Variants in ADAM10 observed in about 807,000 individuals in gnomAD.
ADAM10 encodes the protein ADAM metallopeptidase domain 10, also known as disintegrin and metalloproteinase domain-containing protein 10.
In ADAM10, 17 loss-of-function variants were observed where a neutral mutation model predicts 90.1. That is an observed-to-expected ratio of 0.19 (90% confidence interval 0.13 to 0.28). ADAM10 has a LOEUF of 0.28. Among genes scored for constraint, ADAM10 ranks in the 10% least tolerant of loss-of-function variants. The pLI is 1.00. For missense variants in ADAM10, 610 were observed against 914.3 expected, an observed-to-expected ratio of 0.67 and a Z score of 4.29; for synonymous variants, 310 against 298.6, an observed-to-expected ratio of 1.04 and a Z score of -0.40.
chr15:58,717,257 G>T (rs1244583341), intron 2 of ADAM10, among the ~76,000 whole-genome samples: 1 of 152,136 alleles, frequency 6.6e-6, no homozygotes, highest in Non-Finnish European at 1.5e-5. Context: ...CCAGTAGATA[G>T]ATATATTGAC....
rs1894994419 is a variant in ADAM10 at position 58,597,616 on chromosome 15, T to C, written c.2178A>G (p.Pro726=). 6.2e-7 allele frequency: 1 copy of C among 1,614,018 alleles called. No homozygotes were observed. The highest frequency in any genetic ancestry group is 1.7e-5 in the Admixed American group (1 of 60,002). Residue 726 remains proline (P), a synonymous_variant, in exon 16 of 16, where the codon CCA becomes CCG. Transcript: ENST00000260408. Reference sequence around the variant, plus strand: ...GACGCTGGGGTTGCTGAATGGGCTGTGGAGGTCTCCTCCTCTTTAAAGTGC... The same window carrying C: ...GACGCTGGGGTTGCTGAATGGGCTGCGGAGGTCTCCTCCTCTTTAAAGTGC... ...LPGTLKRRRP[P]QPIQQPQRQR... is the part of the protein sequence containing the mutation.
chr15:58,633,089 A>T, intron 9 of ADAM10, 107 bp downstream of exon 9: 1 of 1,095,002 alleles, frequency 9.1e-7, no homozygotes, highest in Non-Finnish European at 1.3e-6. Flanking sequence ...CATAAAAACT[A>T]AACACTCGTA....
At position 58,627,761 on chromosome 15, in the gene ADAM10, T is replaced by C. The variant is rs1468586342; in HGVS notation, c.1299A>G (p.Ser433=). The C allele has an allele frequency of 1.2e-6, 2 of 1,611,624 alleles. No individual in the cohort carries two copies. The highest frequency in any genetic ancestry group is 1.7e-5 in the Admixed American group (1 of 59,990). Residue 433 remains serine (S), a synonymous_variant, in exon 10 of 16, where the codon TCA becomes TCG. Transcript: ENST00000260408. ...GGCTTATATTTCTAATACTACAGAG[T>C]GAGAATTTATTGTTGTTAAGTTTGT... is the stretch of plus-strand genomic sequence containing the variant. ...SGDKLNNNKF[S]LCSIRNISQV...
intron 7 of ADAM10, among the ~76,000 whole-genome samples, chr15:58,641,284 G>A (rs2140687403): frequency 6.6e-6 from 1 of 152,248 alleles, no homozygotes; most frequent in East Asian, 1.9e-4. Flanking sequence ...CTTTAGTAAA[G>A]GAAGTATAGT....
Position 58,682,403 on chromosome 15 carries a change from A to G in ADAM10, c.207-89T>C, listed in dbSNP as rs1596063180. On this transcript the variant is annotated intron_variant, in intron 2 of 15. Coordinates refer to ENST00000260408, the MANE Select transcript of ADAM10 (RefSeq NM_001110.4). ...TTTTTTATTTTAAAAAGTCTACAAAATGTGGACTGTTATGAAATTTGTCTA... is the reference window on the plus strand; with the variant it reads ...TTTTTTATTTTAAAAAGTCTACAAAGTGTGGACTGTTATGAAATTTGTCTA... 10 of 1,510,176 alleles carry G rather than the reference A, an allele frequency of 6.6e-6. No individual in the cohort carries two copies. In the East Asian group the frequency reaches 2.5e-4, roughly 37 times the overall value. 93.5% of individuals were successfully genotyped at this position (1,510,176 alleles called of 1,614,324 possible). A position where few individuals can be genotyped will look rare whatever the true frequency, so the allele number is the denominator to read the frequency against.
chr15:58,726,950 C>A (rs1899052384), intron 1 of ADAM10, among the ~76,000 whole-genome samples: 1 of 150,806 alleles, frequency 6.6e-6, no homozygotes, highest in African/African-American at 2.5e-5. Context: ...AGGGGAAGAG[C>A]AAGCAGAAGG....
At chr15:58,700,059 T>C (rs1325232605) in intron 2 of ADAM10, among the ~76,000 whole-genome samples, 2 of 152,116 alleles carry the variant, frequency 1.3e-5, no homozygotes, top group Non-Finnish European at 2.9e-5. Flanking sequence ...TAGCTAAATA[T>C]ATATGCACCC....
intron 2 of ADAM10, among the ~76,000 whole-genome samples, chr15:58,689,458 C>A (rs1184972978): frequency 6.6e-6 from 1 of 152,104 alleles, no homozygotes; most frequent in Non-Finnish European, 1.5e-5. Context: ...TGCACTCCAA[C>A]GTGGGCCACA....
intron 2 of ADAM10, among the ~76,000 whole-genome samples, chr15:58,712,809 C>A (rs910370355): frequency 6.6e-6 from 1 of 151,918 alleles, no homozygotes; most frequent in Non-Finnish European, 1.5e-5. Context: ...CTGGGTGACA[C>A]AGCGAGACTC....
At chr15:58,677,437 A>G (rs1432781035) in intron 4 of ADAM10, among the ~76,000 whole-genome samples, 1 of 152,224 alleles carries the variant, frequency 6.6e-6, no homozygotes, top group African/African-American at 2.4e-5. Context: ...CTTTGGGGAA[A>G]AAAAAAGATT....
At chr15:58,645,542 A>G (rs945741642) in intron 6 of ADAM10, among the ~76,000 whole-genome samples, 17 of 152,140 alleles carry the variant, frequency 1.1e-4, no homozygotes, top group African/African-American at 4.1e-4. Context: ...TCGTACCTCC[A>G]TCTTCTCCAT....
chr15:58,663,655 A>C (rs2140726722), intron 5 of ADAM10, among the ~76,000 whole-genome samples: 1 of 152,228 alleles, frequency 6.6e-6, no homozygotes. Flanking sequence ...GAGAACTGAT[A>C]ATTTTATAAT....
chr15:58,639,154 T>C (rs1203354483), intron 8 of ADAM10, among the ~76,000 whole-genome samples: 1 of 152,176 alleles, frequency 6.6e-6, no homozygotes, highest in Non-Finnish European at 1.5e-5. Flanking sequence ...GACAAAAATA[T>C]TAATGTGGTG....
At chr15:58,680,302 T>C (rs1375269875) in intron 3 of ADAM10, among the ~76,000 whole-genome samples, 1 of 152,124 alleles carries the variant, frequency 6.6e-6, no homozygotes, top group Admixed American at 6.5e-5. Flanking sequence ...TTTGTATTTT[T>C]GGTAGAGACA....
At chr15:58,616,330 ATTC>A (rs1342343609) in intron 11 of ADAM10, among the ~76,000 whole-genome samples, 1 of 152,234 alleles carries the variant, frequency 6.6e-6, no homozygotes, top group Non-Finnish European at 1.5e-5. Context: ...CAGAATACAC[ATTC>A]TTTTCATTAG....
At chr15:58,650,739 C>A (rs1421797163) in intron 5 of ADAM10, among the ~76,000 whole-genome samples, 1 of 152,118 alleles carries the variant, frequency 6.6e-6, no homozygotes, top group Non-Finnish European at 1.5e-5. Context: ...TAAATACACA[C>A]AAATATACAA....
intron 8 of ADAM10, among the ~76,000 whole-genome samples, chr15:58,637,069 T>C (rs529165384): frequency 4.6e-4 from 70 of 152,370 alleles, no homozygotes; most frequent in Non-Finnish European, 7.8e-4. Flanking sequence ...TTCCCAGCAT[T>C]TGAAGTTATA....
chr15:58,612,740 C>T (rs1049518442), intron 11 of ADAM10, among the ~76,000 whole-genome samples: 3 of 152,202 alleles, frequency 2.0e-5, no homozygotes, highest in Non-Finnish European at 4.4e-5. Flanking sequence ...CACCTCTTCC[C>T]TGGACCCAAG....
At chr15:58,631,334 T>C (rs1271087300) in intron 9 of ADAM10, among the ~76,000 whole-genome samples, 1 of 152,108 alleles carries the variant, frequency 6.6e-6, no homozygotes, top group Admixed American at 6.5e-5. Context: ...TGCAAAAGAA[T>C]GGGGTACGAT....
Sources: gnomAD v4.1 joint callset for allele counts (sites outside exome capture counted in the v4.1 genomes callset) on GRCh38, gnomAD v4.1.1 for gene constraint, MANE v1.5 for transcripts, NCBI Gene and HGNC (gene_info 2026-07-23, HGNC 2026-07-21) for gene names.